Variants in SH3RF1 observed in about 807,000 individuals in gnomAD.
SH3RF1 encodes the protein SH3 domain containing ring finger 1, also known as E3 ubiquitin-protein ligase SH3RF1.
SH3RF1 carries 32 observed loss-of-function variants against 74.0 expected under a neutral mutation model. The ratio of observed to expected loss-of-function variants is 0.43; its 90% CI spans 0.33 to 0.58. SH3RF1 has a LOEUF of 0.58. Among genes scored for constraint, SH3RF1 ranks in the 20% least tolerant of loss-of-function variants. SH3RF1 has a pLI of 0.05. For missense variants in SH3RF1, 954 were observed against 1,130.9 expected, an observed-to-expected ratio of 0.84 and a Z score of 2.24; for synonymous variants, 396 against 439.6, an observed-to-expected ratio of 0.90 and a Z score of 1.24.
At chr4:169,246,242 T>C (rs1730993209) in intron 2 of SH3RF1, among the ~76,000 whole-genome samples, 1 of 152,240 alleles carries the variant, frequency 6.6e-6, no homozygotes, top group Non-Finnish European at 1.5e-5. Flanking sequence ...TTATTCCAAA[T>C]TGAAGCATGA....
chr4:169,124,233 G>A (rs1245945543), intron 6 of SH3RF1, among the ~76,000 whole-genome samples: 1 of 152,136 alleles, frequency 6.6e-6, no homozygotes, highest in African/African-American at 2.4e-5. Flanking sequence ...AATGGCATGT[G>A]CTCAAACAGA....
At chr4:169,176,703 G>A (rs917185213) in intron 2 of SH3RF1, among the ~76,000 whole-genome samples, 2 of 151,914 alleles carry the variant, frequency 1.3e-5, no homozygotes, top group African/African-American at 4.8e-5. Flanking sequence ...ACCATGCCTG[G>A]CTAATTTTTC....
At chr4:169,196,972 C>A (rs1579131786) in intron 2 of SH3RF1, among the ~76,000 whole-genome samples, 4 of 152,168 alleles carry the variant, frequency 2.6e-5, no homozygotes, top group East Asian at 1.9e-4. Context: ...AAAAAAGTAA[C>A]AGAAAAGGTC....
chr4:169,108,099 C>T (rs933237945), intron 10 of SH3RF1, among the ~76,000 whole-genome samples: 2 of 152,144 alleles, frequency 1.3e-5, no homozygotes, highest in Admixed American at 6.5e-5. Context: ...AAACCTTAAG[C>T]GTGAATGTTC....
chr4:169,124,025 T>C lies in SH3RF1; in HGVS notation c.1180-1759A>G, dbSNP rs1376460444. On this transcript the variant is annotated intron_variant, in intron 6 of 11. Coordinates refer to ENST00000284637, the MANE Select transcript of SH3RF1 (RefSeq NM_020870.4). Reference sequence around the variant, plus strand: ...TCCAGTGACAAAGCAGAGATAAAGATAATCCTGGTCACAGCAAATGTGACC... The same window carrying C: ...TCCAGTGACAAAGCAGAGATAAAGACAATCCTGGTCACAGCAAATGTGACC... Among the ~76,000 whole-genome samples, 3 of 152,212 alleles carry C rather than the reference T, an allele frequency of 2.0e-5. No homozygotes were observed. The East Asian group carries it at 5.8e-4, about 29-fold the overall frequency.
At chr4:169,162,603 T>G (rs943113552) in intron 2 of SH3RF1, among the ~76,000 whole-genome samples, 3 of 152,224 alleles carry the variant, frequency 2.0e-5, no homozygotes, top group Admixed American at 2.0e-4. Context: ...ATACTAACTT[T>G]AATCAAAACT....
intron 2 of SH3RF1, among the ~76,000 whole-genome samples, chr4:169,184,717 G>GTATT (rs997170185): frequency 1.3e-5 from 2 of 152,052 alleles, no homozygotes; most frequent in Non-Finnish European, 2.9e-5. Flanking sequence ...TTGTTTTGGG[G>GTATT]TATTTATTTA....
intron 4 of SH3RF1, among the ~76,000 whole-genome samples, chr4:169,145,737 C>T (rs961094881): frequency 4.1e-4 from 59 of 144,790 alleles, no homozygotes; most frequent in Non-Finnish European, 6.8e-4. Context: ...TGTGAGCCAC[C>T]GCCTGGTCTA....
chr4:169,228,301 T>C (rs1730681715), intron 2 of SH3RF1, among the ~76,000 whole-genome samples: 1 of 152,176 alleles, frequency 6.6e-6, no homozygotes, highest in Admixed American at 6.5e-5. Flanking sequence ...TGGCTTAAGA[T>C]AACACAAATT....
chr4:169,169,906 G>A (rs1451745798), intron 2 of SH3RF1, among the ~76,000 whole-genome samples: 1 of 152,014 alleles, frequency 6.6e-6, no homozygotes, highest in Admixed American at 6.6e-5. Flanking sequence ...TAAATATTCT[G>A]TGGTACTAAA....
Position 169,117,637 on chromosome 4 carries a change from C to T in SH3RF1, c.1663G>A (p.Val555Ile), listed in dbSNP as rs769476709. ...GCTGCTGATACCACAGCTGCGGGGA[C>T]AACACTGGGACTCCCAGCCACGCCA... is the stretch of plus-strand genomic sequence containing the variant. ...GNGVAGSPSVVPAAVVSAAHI... is the reference protein window; with the variant it reads ...GNGVAGSPSVIPAAVVSAAHI... The change falls in exon 9 of 12, where the codon GTC becomes ATC. Residue 555 changes from valine to isoleucine, a missense_variant. Physicochemically the swap from Val to Ile is conservative, Grantham distance 29 (BLOSUM62 3). This residue lies in a region of SH3RF1 where 854 missense variants were observed against 962.5 expected (regional missense o/e 0.89). Coordinates refer to ENST00000284637, the MANE Select transcript of SH3RF1 (RefSeq NM_020870.4). 2 of 1,614,188 alleles carry T rather than the reference C, an allele frequency of 1.2e-6. No individual in the cohort carries two copies. The highest frequency in any genetic ancestry group is 1.7e-6 in the Non-Finnish European group (2 of 1,180,034).
At chr4:169,123,370 G>A (rs1191458611) in intron 6 of SH3RF1, among the ~76,000 whole-genome samples, 1 of 152,118 alleles carries the variant, frequency 6.6e-6, no homozygotes, top group Non-Finnish European at 1.5e-5. Flanking sequence ...CTAGACGCAC[G>A]CTGTAACTAT....
intron 4 of SH3RF1, among the ~76,000 whole-genome samples, chr4:169,138,064 C>T (rs988260709): frequency 5.3e-5 from 8 of 152,162 alleles, no homozygotes; most frequent in African/African-American, 1.9e-4. Context: ...AAGACTTCTT[C>T]CGATATGTGT....
intron 10 of SH3RF1, among the ~76,000 whole-genome samples, chr4:169,109,730 C>T (rs111229650): frequency 8.5e-5 from 13 of 152,286 alleles, no homozygotes; most frequent in African/African-American, 3.1e-4. Context: ...TACATTCAGG[C>T]TGGGCACAGT....
At chr4:169,266,410 C>G (rs1329369217) in intron 2 of SH3RF1, among the ~76,000 whole-genome samples, 1 of 152,172 alleles carries the variant, frequency 6.6e-6, no homozygotes, top group African/African-American at 2.4e-5. Context: ...ATTACAGTCA[C>G]TCACCTAAGG....
chr4:169,269,450 TC>T (rs1228002933), intron 1 of SH3RF1, 143 bp from the exon 2 acceptor site: 1 of 462,296 alleles, frequency 2.2e-6, no homozygotes, highest in East Asian at 3.4e-5. Context: ...GAATGTGGGT[TC>T]CTAAACTCCA....
chr4:169,194,954 C>G (rs1056748463), intron 2 of SH3RF1, among the ~76,000 whole-genome samples: 2 of 152,054 alleles, frequency 1.3e-5, no homozygotes, highest in African/African-American at 4.8e-5. Context: ...ATTTTAAAAC[C>G]CAAGAAGACA....
chr4:169,102,952 C>T (rs112428795), intron 11 of SH3RF1, among the ~76,000 whole-genome samples: 5 of 117,782 alleles, frequency 4.2e-5, no homozygotes, highest in East Asian at 2.9e-4. Flanking sequence ...GATGGAGTCT[C>T]GCTCTGTCAG....
Position 169,096,517 on chromosome 4 carries a change from C to T in SH3RF1, c.*2G>A. ...TTTTAAGCTTCTTCAGTGTCAGTCTCCTCATATGTTTTCCACAAAGCTTCC... is the reference window on the plus strand; with the variant it reads ...TTTTAAGCTTCTTCAGTGTCAGTCTTCTCATATGTTTTCCACAAAGCTTCC... On this transcript the variant is annotated 3_prime_UTR_variant, in exon 12 of 12. Coordinates refer to ENST00000284637, the MANE Select transcript of SH3RF1 (RefSeq NM_020870.4). 6.2e-7 allele frequency: 1 copy of T among 1,613,238 alleles called. No homozygotes were observed. Among genetic ancestry groups the T allele is most frequent in the Non-Finnish European group, 8.5e-7 (1 of 1,179,694 alleles).
Sources: gnomAD v4.1 joint callset for allele counts (sites outside exome capture counted in the v4.1 genomes callset) on GRCh38, gnomAD v4.1.1 for gene constraint, gnomAD v4.1.1 regional missense constraint, MANE v1.5 for transcripts, NCBI Gene and HGNC (gene_info 2026-07-23, HGNC 2026-07-21) for gene names.